The following VRTN variants were observed in gnomAD, a reference collection of about 807,000 sequenced individuals.
VRTN encodes vertnin.
In VRTN, 5 loss-of-function variants were observed where a neutral mutation model predicts 18.2. The ratio of observed to expected loss-of-function variants is 0.27; its 90% CI spans 0.14 to 0.58. VRTN has a LOEUF of 0.58. Among genes scored for constraint, VRTN ranks in the 20% least tolerant of loss-of-function variants. The pLI, the probability that VRTN is intolerant of heterozygous loss-of-function variation, is 0.91. For synonymous variants in VRTN, 381 were observed against 393.7 expected (o/e 0.97, Z 0.38); for missense variants, 741 against 939.4 (o/e 0.79, Z 2.76).
In VRTN at chr14:74,359,726, T is replaced by G. The variant is rs2085766620; in HGVS notation, c.*834T>G. 1.8e-5 allele frequency: 3 copies of G among 166,734 alleles called. No individual in the cohort carries two copies. In the Admixed American group the frequency reaches 2.0e-4, roughly 11 times the overall value. The allele number at this position is 166,734 out of a possible 1,614,324, so 10.3% of individuals were successfully genotyped here. On this transcript the variant is annotated 3_prime_UTR_variant, in exon 2 of 2. Coordinates refer to ENST00000256362, the MANE Select transcript of VRTN (RefSeq NM_018228.3). ...GGGCTGGCCTGTCCCCTGCAAGGAG[T>G]GTGGGACCAGGTGGGGCAAGGCTGG...
At position 74,358,718 on chromosome 14, in the gene VRTN, G is replaced by T; in HGVS notation, c.1935G>T (p.Met645Ile). 4 of 1,614,196 alleles carry T rather than the reference G, an allele frequency of 2.5e-6. No individual in the cohort carries two copies. The South Asian group carries it at 4.4e-5, about 18-fold the overall frequency. The change falls in exon 2 of 2, where the codon ATG (methionine) becomes ATT (isoleucine). Residue 645 changes from methionine to isoleucine, a missense_variant. Transcript: ENST00000256362. This position sits in a 1 kb window ranked among gnomAD's most constrained non-coding sequence, Gnocchi z 5.4. ...ATGGCCGGATGCTGGTGATGGACAT[G>T]ATCGCTACCACGAAGTTCAAGGCCC... Reference protein sequence around the residue: ...GRDGRMLVMDMIATTKFKAQA... With the variant: ...GRDGRMLVMDIIATTKFKAQA...
At chr14:74,320,248 CCT>C (rs2085444553) in intron 1 of VRTN, among the ~76,000 whole-genome samples, 1 of 134,214 alleles carries the variant, frequency 7.5e-6, no homozygotes, top group African/African-American at 3.0e-5. Flanking sequence ...AGATCCCATC[CCT>C]TTTTTTTTTT....
In VRTN at chr14:74,357,083, C is replaced by T. The variant is rs764885192; in HGVS notation, c.300C>T (p.Leu100=). 3.1e-6 allele frequency: 5 copies of T among 1,606,564 alleles called. No homozygotes were observed. In the East Asian group the frequency reaches 1.1e-4, roughly 36 times the overall value. The part of the protein sequence containing the change: ...ASMLLWGDAG[L]SLELRARTVV... ...TGCTGCTGTGGGGTGACGCAGGCCTCAGCCTGGAGCTGCGGGCCCGCACCG... is the reference window on the plus strand; with the variant it reads ...TGCTGCTGTGGGGTGACGCAGGCCTTAGCCTGGAGCTGCGGGCCCGCACCG... Residue 100 remains leucine (L), a synonymous_variant, in exon 2 of 2, where the codon CTC becomes CTT. Transcript: ENST00000256362. The surrounding 1 kb of genome is among the most constrained non-coding windows in gnomAD (Gnocchi z 7.8).
At chr14:74,345,996 T>C (rs1384722057), upstream of VRTN, among the ~76,000 whole-genome samples, 2 of 148,542 alleles carry the variant, frequency 1.3e-5, no homozygotes, top group African/African-American at 5.0e-5. Flanking sequence ...TAAACACGTA[T>C]ATATGCACAT....
Position 74,330,019 on chromosome 14 carries a change from G to C in VRTN, c.-163-7704G>C, listed in dbSNP as rs548415837. 2.6e-5 allele frequency among the ~76,000 whole-genome samples: 4 copies of C among 151,984 alleles called. No homozygotes were observed. In the South Asian group the frequency reaches 8.3e-4, roughly 32 times the overall value. On this transcript the variant is annotated intron_variant, in intron 1 of 2. Transcript: ENST00000557177. ...CCTGAGTAGCTGGGATTACAGGCAC[G>C]TGTCACCATGCCCGGCTAGTTTTTT... is the stretch of plus-strand genomic sequence containing the variant.
At position 74,358,573 on chromosome 14, in the gene VRTN, A is replaced by C. The variant is rs200268170; in HGVS notation, c.1790A>C (p.Glu597Ala). Reference protein sequence around the residue: ...VMAPPVGASSEDVEGGPSREG... With the variant: ...VMAPPVGASSADVEGGPSREG... ...GCCCCACCTGTGGGGGCTTCTTCAG[A>C]AGATGTAGAGGGAGGGCCTTCCAGA... is the stretch of plus-strand genomic sequence containing the variant. Residue 597 changes from glutamate to alanine, a missense_variant, in exon 2 of 2, where the codon GAA (glutamate) becomes GCA (alanine). This residue lies in a region of VRTN where 494 missense variants were observed against 546.5 expected (regional missense o/e 0.90). Transcript: ENST00000256362. The surrounding 1 kb of genome is among the most constrained non-coding windows in gnomAD (Gnocchi z 5.4). 6.2e-7 allele frequency: 1 copy of C among 1,606,328 alleles called. No homozygotes were observed. The highest frequency in any genetic ancestry group is 2.2e-5 in the East Asian group (1 of 44,792).
At chr14:74,340,608 T>C (rs540833060) in intron 2 of VRTN, among the ~76,000 whole-genome samples, 1 of 152,304 alleles carries the variant, frequency 6.6e-6, no homozygotes, top group African/African-American at 2.4e-5. Context: ...GTAGACATCA[T>C]TGTATTCCTG....
rs182916332 is a variant in VRTN at position 74,354,032 on chromosome 14, T to C, written c.-1-2751T>C. ...CAAGTGATCTGCCTGCCTCGGCCTA[T>C]CTTCTTTTAAACCAGATACTATGGA... is the stretch of plus-strand genomic sequence containing the variant. On this transcript the variant is annotated intron_variant, in intron 1 of 1. Transcript: ENST00000256362. 2.6e-5 allele frequency among the ~76,000 whole-genome samples: 4 copies of C among 152,286 alleles called. No individual in the cohort carries two copies. The East Asian group carries it at 7.7e-4, about 29-fold the overall frequency.
intron 1 of VRTN, among the ~76,000 whole-genome samples, chr14:74,349,969 T>G (rs1370807079): frequency 6.6e-6 from 1 of 152,000 alleles, no homozygotes; most frequent in Non-Finnish European, 1.5e-5. Context: ...CCTTTTCAGA[T>G]CACTTCCAAG....
chr14:74,324,387 CAAAAA>C (rs34158619), intron 1 of VRTN, among the ~76,000 whole-genome samples: 2 of 73,168 alleles, frequency 2.7e-5, no homozygotes, highest in Non-Finnish European at 5.4e-5. Flanking sequence ...GACTCTGACT[CAAAAA>C]AAAAAAAAAA....
intron 1 of VRTN, among the ~76,000 whole-genome samples, chr14:74,318,849 G>A (rs2085435086): frequency 6.6e-6 from 1 of 151,722 alleles, no homozygotes; most frequent in Admixed American, 6.6e-5. Flanking sequence ...AAGTAGCTGG[G>A]GACTACAAGT....
intron 1 of VRTN, among the ~76,000 whole-genome samples, chr14:74,330,504 C>T (rs1276012686): frequency 2.0e-5 from 3 of 147,872 alleles, no homozygotes; most frequent in Non-Finnish European, 4.4e-5. Context: ...TGCAATGGTG[C>T]GATCTTGGCT....
chr14:74,340,202 T>A (rs2085593115), intron 2 of VRTN, among the ~76,000 whole-genome samples: 1 of 147,836 alleles, frequency 6.8e-6, no homozygotes, highest in Non-Finnish European at 1.5e-5. Flanking sequence ...AACCTCCGCC[T>A]CCCAGGTTCA....
At chr14:74,306,886 C>T (rs954896329) in intron 1 of VRTN, among the ~76,000 whole-genome samples, 2 of 151,726 alleles carry the variant, frequency 1.3e-5, no homozygotes, top group African/African-American at 2.4e-5. Flanking sequence ...GATTACAGGG[C>T]GGAGCCACCG....
chr14:74,333,209 C>T (rs890131896), intron 1 of VRTN, among the ~76,000 whole-genome samples: 11 of 151,934 alleles, frequency 7.2e-5, no homozygotes, highest in Admixed American at 6.6e-4. Flanking sequence ...ATGGTGAAAC[C>T]CCGTCTCTAC....
intron 1 of VRTN, among the ~76,000 whole-genome samples, chr14:74,326,010 A>G (rs148601359): frequency 6.6e-6 from 1 of 152,184 alleles, no homozygotes; most frequent in East Asian, 1.9e-4. Flanking sequence ...AGGAACAAAC[A>G]TTATCCTCAT....
chr14:74,328,763 T>G (rs996621426), intron 1 of VRTN, among the ~76,000 whole-genome samples: 1 of 152,188 alleles, frequency 6.6e-6, no homozygotes, highest in South Asian at 2.1e-4. Flanking sequence ...TTCAGGAGGC[T>G]GAGATGGGTG....
At position 74,312,677 on chromosome 14, in the gene VRTN, C is replaced by T. The variant is rs556917514; in HGVS notation, c.-164+9501C>T. Among the ~76,000 whole-genome samples, 57 of 151,722 alleles carry T rather than the reference C, an allele frequency of 3.8e-4. No individual in the cohort carries two copies. The South Asian group carries it at 0.011, about 31-fold the overall frequency. ...TGTTGCCCAGGCTGGTCTCAAACTC[C>T]TGGGCTGAAGTGATCTGCCTTCTTC... On this transcript the variant is annotated intron_variant, in intron 1 of 2. Transcript: ENST00000557177.
In VRTN at chr14:74,352,295, C is replaced by T. The variant is rs143146050; in HGVS notation, c.-2+3643C>T. On this transcript the variant is annotated intron_variant, in intron 1 of 1. Coordinates refer to ENST00000256362, the MANE Select transcript of VRTN (RefSeq NM_018228.3). ...CCAGGTTCAACCAATTCTTCTGCCT[C>T]GGCCTCCCGAGTAGCTGGGATAACA... Among the ~76,000 whole-genome samples the T allele has an allele frequency of 1.6e-4, 25 of 152,214 alleles. No homozygotes were observed. The East Asian group carries it at 4.2e-3, about 26-fold the overall frequency.
Sources: gnomAD v4.1 joint callset for allele counts (sites outside exome capture counted in the v4.1 genomes callset) on GRCh38, gnomAD v4.1.1 for gene constraint, gnomAD v4.1.1 regional missense constraint, Gnocchi (gnomAD v3.1) non-coding constraint, MANE v1.5 for transcripts, NCBI Gene and HGNC (gene_info 2026-07-23, HGNC 2026-07-21) for gene names.